Variants in CLEC16A observed in about 807,000 individuals in gnomAD.
CLEC16A encodes protein CLEC16A.
CLEC16A carries 51 observed loss-of-function variants against 109.5 expected under a neutral mutation model. The ratio of observed to expected loss-of-function variants is 0.47; its 90% CI spans 0.37 to 0.59. The LOEUF (loss-of-function observed/expected upper bound fraction) is 0.59. CLEC16A is among the 20% of genes least tolerant of loss of function. The pLI is 0.00. For synonymous variants in CLEC16A, 673 were observed against 564.2 expected (o/e 1.19, Z -2.73); for missense variants, 1,339 against 1,394.0 (o/e 0.96, Z 0.63).
intron 19 of CLEC16A, among the ~76,000 whole-genome samples, chr16:11,077,630 G>T (rs984491022): frequency 4.6e-4 from 70 of 152,172 alleles, no homozygotes; most frequent in Non-Finnish European, 4.7e-4. Flanking sequence ...CTGCACTTCA[G>T]CCTAGGGGAC....
At chr16:11,172,028 A>C (rs1023519386) in intron 23 of CLEC16A, among the ~76,000 whole-genome samples, 1 of 152,132 alleles carries the variant, frequency 6.6e-6, no homozygotes, top group East Asian at 1.9e-4. Flanking sequence ...ACAAATGTGC[A>C]TGCATAGTCA....
chr16:11,146,952 CAG>C (rs138465810), intron 22 of CLEC16A, among the ~76,000 whole-genome samples: 3,418 of 152,160 alleles, frequency 0.022, 82 homozygotes, highest in Non-Finnish European at 0.036. Flanking sequence ...TTGGTGCCCT[CAG>C]GGAACTGGCA....
chr16:11,029,106 A>T (rs957559204), intron 13 of CLEC16A, among the ~76,000 whole-genome samples: 2 of 152,114 alleles, frequency 1.3e-5, no homozygotes, highest in Non-Finnish European at 2.9e-5. Context: ...GGTTCAGTTA[A>T]TTGGAGTTGG....
chr16:11,112,431 A>C (rs1012808004), intron 19 of CLEC16A, among the ~76,000 whole-genome samples: 2 of 146,958 alleles, frequency 1.4e-5, no homozygotes, highest in African/African-American at 5.1e-5. Flanking sequence ...AGGCCAAGGC[A>C]GGAGGACCAC....
intron 19 of CLEC16A, among the ~76,000 whole-genome samples, chr16:11,089,053 G>A (rs1000851974): frequency 2.1e-4 from 32 of 152,288 alleles, no homozygotes; most frequent in African/African-American, 7.7e-4. Flanking sequence ...AGGGGAGGGG[G>A]AGGGTGTCCT....
rs182569154 is a variant in CLEC16A at position 11,156,132 on chromosome 16, C to T, written c.2642-10256C>T. Among the ~76,000 whole-genome samples the T allele has an allele frequency of 8.5e-5, 13 of 152,220 alleles. No homozygotes were observed. The East Asian group carries it at 1.5e-3, about 18-fold the overall frequency. ...ATCCCAGCACTTTGGGAGGCCAAGA[C>T]GGCTGGATCACCTGAGGTCAGGAGT... On this transcript the variant is annotated intron_variant, in intron 22 of 23. Coordinates refer to ENST00000409790, the MANE Select transcript of CLEC16A (RefSeq NM_015226.3).
At position 10,950,513 on chromosome 16, in the gene CLEC16A, G is replaced by A. The variant is rs1013212614; in HGVS notation, c.80+5716G>A. 5.3e-5 allele frequency among the ~76,000 whole-genome samples: 8 copies of A among 152,132 alleles called. No individual in the cohort carries two copies. The East Asian group carries it at 1.2e-3, about 22-fold the overall frequency. ...CCCTGCCTATACCCTACACATCCCC[G>A]GCCCAGCCTCACTTGCCGGCCCTGT... On this transcript the variant is annotated intron_variant, in intron 1 of 23. Coordinates refer to ENST00000409790, the MANE Select transcript of CLEC16A (RefSeq NM_015226.3).
chr16:10,952,619 CT>C (rs1247905964), intron 1 of CLEC16A, among the ~76,000 whole-genome samples: 1 of 152,218 alleles, frequency 6.6e-6, no homozygotes, highest in African/African-American at 2.4e-5. Context: ...TCCATTCAGC[CT>C]TTCCCCCCAT....
intron 19 of CLEC16A, among the ~76,000 whole-genome samples, chr16:11,103,768 A>G (rs1407360512): frequency 1.3e-5 from 2 of 150,384 alleles, no homozygotes; most frequent in African/African-American, 4.9e-5. Context: ...AGTCTTACCC[A>G]TCTCTGTGGT....
intron 1 of CLEC16A, among the ~76,000 whole-genome samples, chr16:10,945,475 TG>T (rs1262614480): frequency 6.6e-6 from 1 of 152,096 alleles, no homozygotes; most frequent in Non-Finnish European, 1.5e-5. Flanking sequence ...TCTACAGCTC[TG>T]GGGGAGGACA....
At chr16:11,146,784 T>C (rs2054077365) in intron 22 of CLEC16A, among the ~76,000 whole-genome samples, 1 of 151,512 alleles carries the variant, frequency 6.6e-6, no homozygotes, top group African/African-American at 2.4e-5. Flanking sequence ...GAGAGAGGGA[T>C]GGATGGATGG....
chr16:11,121,785 C>T (rs1275116184), intron 20 of CLEC16A, among the ~76,000 whole-genome samples: 1 of 145,822 alleles, frequency 6.9e-6, no homozygotes, highest in African/African-American at 2.6e-5. Flanking sequence ...GAGGCTGAGG[C>T]ACGAGAATCG....
intron 22 of CLEC16A, among the ~76,000 whole-genome samples, chr16:11,127,099 C>G (rs2052878985): frequency 6.6e-6 from 1 of 152,150 alleles, no homozygotes; most frequent in Non-Finnish European, 1.5e-5. Context: ...AATAAGTCTA[C>G]TTTGCTTCAG....
At chr16:11,103,366 G>A (rs1007432611) in intron 19 of CLEC16A, among the ~76,000 whole-genome samples, 2 of 152,188 alleles carry the variant, frequency 1.3e-5, no homozygotes, top group Non-Finnish European at 1.5e-5. Context: ...GATCACCTGA[G>A]ATCAGGGGTT....
chr16:10,998,952 C>G (rs545626382), intron 10 of CLEC16A, among the ~76,000 whole-genome samples: 2 of 152,278 alleles, frequency 1.3e-5, no homozygotes, highest in African/African-American at 4.8e-5. Context: ...TTCTACCAGC[C>G]TCTGCATGCT....
chr16:10,951,045 G>T (rs4780340), intron 1 of CLEC16A, among the ~76,000 whole-genome samples: 357 of 152,332 alleles, frequency 2.3e-3, no homozygotes, highest in Non-Finnish European at 4.1e-3. Context: ...AGGATATGGG[G>T]CATTATTAAC....
Position 11,174,833 on chromosome 16 carries a change from G to T in CLEC16A, c.2807-3502G>T, listed in dbSNP as rs1655531973. Among the ~76,000 whole-genome samples, 1 of 152,204 alleles carries T rather than the reference G, an allele frequency of 6.6e-6. No homozygotes were observed. Among genetic ancestry groups the T allele is most frequent in the Admixed American group, 6.5e-5 (1 of 15,290 alleles). ...CCTCATAGACACATGGATGGATGTG[G>T]CCCCACCATCTCCCTTTCTGAGTGG... is the stretch of plus-strand genomic sequence containing the variant. On this transcript the variant is annotated intron_variant, in intron 23 of 23. Coordinates refer to ENST00000409790, the MANE Select transcript of CLEC16A (RefSeq NM_015226.3). The surrounding 1 kb of genome is among the most constrained non-coding windows in gnomAD (Gnocchi z 4.7).
intron 10 of CLEC16A, among the ~76,000 whole-genome samples, chr16:10,985,658 C>T (rs1249923209): frequency 6.6e-6 from 1 of 151,854 alleles, no homozygotes; most frequent in Non-Finnish European, 1.5e-5. Flanking sequence ...CTAGACTTGT[C>T]GTTCTAAGAG....
At chr16:10,995,114 G>T (rs2044251919) in intron 10 of CLEC16A, among the ~76,000 whole-genome samples, 1 of 152,270 alleles carries the variant, frequency 6.6e-6, no homozygotes, top group South Asian at 2.1e-4. Context: ...TCAGAGCCAT[G>T]CTGGGCACAT....
Sources: gnomAD v4.1 joint callset for allele counts (sites outside exome capture counted in the v4.1 genomes callset) on GRCh38, gnomAD v4.1.1 for gene constraint, Gnocchi (gnomAD v3.1) non-coding constraint, MANE v1.5 for transcripts, NCBI Gene and HGNC (gene_info 2026-07-23, HGNC 2026-07-21) for gene names.